Variants in ERC2 observed in about 807,000 individuals in gnomAD.
ERC2 encodes ELKS/RAB6-interacting/CAST family member 2.
A neutral mutation model predicts 114.8 loss-of-function variants in ERC2; 42 were observed. That is an observed-to-expected ratio of 0.37 (90% CI 0.29 to 0.47). The LOEUF (loss-of-function observed/expected upper bound fraction) is 0.47, where lower values mean the gene tolerates loss of function less well. Ranked by LOEUF, ERC2 falls within the 20% of genes least tolerant of loss-of-function variation. The pLI is 0.99. For missense variants in ERC2, 939 were observed against 1,150.7 expected (o/e 0.82, Z 2.66); for synonymous variants, 454 against 425.5 (o/e 1.07, Z -0.82).
intron 2 of ERC2, among the ~76,000 whole-genome samples, chr3:56,424,664 A>G (rs2061501068): frequency 6.6e-6 from 1 of 152,244 alleles, no homozygotes. Context: ...AAAGGCATTT[A>G]AAATTGTAGT....
intron 4 of ERC2, among the ~76,000 whole-genome samples, chr3:56,169,312 A>C (rs540820594): frequency 6.6e-6 from 1 of 152,324 alleles, no homozygotes; most frequent in African/African-American, 2.4e-5. Context: ...GTTTTTCCCA[A>C]AGAATATCAT....
rs78644829 is a variant in ERC2, at chr3:56,294,877, T to C, written c.1074+1142A>G. Among the ~76,000 whole-genome samples the C allele has an allele frequency of 2.6e-5, 4 of 152,324 alleles. No homozygotes were observed. In the East Asian group the frequency reaches 5.8e-4, roughly 22 times the overall value. On this transcript the variant is annotated intron_variant, in intron 3 of 17. Transcript: ENST00000288221. ...CTTTTCAATATGAAACCAAGCCATGTGGTTTCCCAAGCATGTTGGTAAAGT... is the reference window on the plus strand; with the variant it reads ...CTTTTCAATATGAAACCAAGCCATGCGGTTTCCCAAGCATGTTGGTAAAGT...
intron 13 of ERC2, among the ~76,000 whole-genome samples, chr3:55,904,327 T>C (rs188892034): frequency 6.6e-6 from 1 of 152,326 alleles, no homozygotes; most frequent in Admixed American, 6.5e-5. Flanking sequence ...CTATGGCTTT[T>C]CTGATTGCTG....
In ERC2 at chr3:56,010,674, T is replaced by C. The variant is rs1435298231; in HGVS notation, c.1780-85A>G. The C allele has an allele frequency of 2.1e-6, 3 of 1,425,620 alleles. No individual in the cohort carries two copies. In the African/African-American group the frequency reaches 4.3e-5, roughly 20 times the overall value. The allele number at this position is 1,425,620 out of a possible 1,614,324, so 88.3% of individuals were successfully genotyped here. On this transcript the variant is annotated intron_variant, in intron 8 of 17. Transcript: ENST00000288221. Reference sequence around the variant, plus strand: ...TACTGTAAAAGAAAATAAGAGGCAGTACATCTAAGAAATGCTGTACAGGAA... The same window carrying C: ...TACTGTAAAAGAAAATAAGAGGCAGCACATCTAAGAAATGCTGTACAGGAA...
intron 17 of ERC2, among the ~76,000 whole-genome samples, chr3:55,570,782 T>C (rs2056660678): frequency 2.0e-5 from 3 of 152,186 alleles, no homozygotes; most frequent in African/African-American, 7.2e-5. Flanking sequence ...TTCCTTGCTT[T>C]TGACAGGCTC....
chr3:56,196,990 C>T (rs1042538432), intron 3 of ERC2, among the ~76,000 whole-genome samples: 2 of 151,912 alleles, frequency 1.3e-5, no homozygotes, highest in Admixed American at 6.6e-5. Flanking sequence ...CTGCAGAGTC[C>T]GTGTTTATAA....
chr3:55,677,442 T>C (rs1456571313), intron 17 of ERC2, among the ~76,000 whole-genome samples: 1 of 152,136 alleles, frequency 6.6e-6, no homozygotes, highest in Non-Finnish European at 1.5e-5. Context: ...TCAACCACTT[T>C]CCTCTGTTTA....
At chr3:55,558,970 T>C (rs2055817237) in intron 17 of ERC2, among the ~76,000 whole-genome samples, 1 of 152,226 alleles carries the variant, frequency 6.6e-6, no homozygotes, top group African/African-American at 2.4e-5. Flanking sequence ...TTGCAAAACA[T>C]GTTAGTCCCA....
chr3:56,326,152 T>C (rs1370601691), intron 2 of ERC2, among the ~76,000 whole-genome samples: 3 of 152,220 alleles, frequency 2.0e-5, no homozygotes, highest in Non-Finnish European at 2.9e-5. Flanking sequence ...ACTGAGAGGC[T>C]GAGCCAGGCA....
intron 1 of ERC2, among the ~76,000 whole-genome samples, chr3:56,438,087 T>C (rs921124348): frequency 3.3e-5 from 5 of 152,246 alleles, no homozygotes; most frequent in African/African-American, 9.6e-5. Context: ...CTGATGTCAG[T>C]GGTTTCTTTG....
chr3:56,073,421 T>C (rs949854639), intron 7 of ERC2, among the ~76,000 whole-genome samples: 2 of 152,144 alleles, frequency 1.3e-5, no homozygotes, highest in African/African-American at 2.4e-5. Flanking sequence ...CTCCCAGCTA[T>C]AGCAACCAAA....
intron 14 of ERC2, among the ~76,000 whole-genome samples, chr3:55,833,091 A>G (rs1407469734): frequency 6.7e-6 from 1 of 149,638 alleles, no homozygotes; most frequent in African/African-American, 2.5e-5. Context: ...CAAAGCCTCC[A>G]AGAAATATGG....
rs75452042 is a variant in ERC2 at position 55,793,014 on chromosome 3, T to C, written c.2565-58096A>G. Among the ~76,000 whole-genome samples the C allele has an allele frequency of 3.4e-4, 52 of 152,316 alleles. No individual in the cohort carries two copies. The East Asian group carries it at 8.7e-3, about 25-fold the overall frequency. On this transcript the variant is annotated intron_variant, in intron 14 of 17. Coordinates refer to ENST00000288221, the MANE Select transcript of ERC2 (RefSeq NM_015576.3). ...GAGCCCTGGGGAGTATATAGATTGG[T>C]CCAAATAGCAATATTTGTGCTAAGA...
chr3:55,728,373 T>G (rs1023102906), intron 15 of ERC2, among the ~76,000 whole-genome samples: 2 of 152,212 alleles, frequency 1.3e-5, no homozygotes, highest in Non-Finnish European at 1.5e-5. Flanking sequence ...AATGTCAGCT[T>G]GGCAGATTTG....
At chr3:56,042,987 A>C (rs2075274803) in intron 7 of ERC2, among the ~76,000 whole-genome samples, 1 of 152,180 alleles carries the variant, frequency 6.6e-6, no homozygotes, top group African/African-American at 2.4e-5. Context: ...TTCTAGAAAT[A>C]TTTTATGATT....
chr3:56,427,545 G>A (rs571143737), intron 2 of ERC2, among the ~76,000 whole-genome samples: 2 of 152,312 alleles, frequency 1.3e-5, no homozygotes, highest in African/African-American at 4.8e-5. Context: ...ACCTCAGAAT[G>A]TAACCTTCTC....
chr3:55,896,780 T>C (rs2063860361), intron 13 of ERC2, among the ~76,000 whole-genome samples: 1 of 152,216 alleles, frequency 6.6e-6, no homozygotes, highest in Non-Finnish European at 1.5e-5. Context: ...ATCTAGAACA[T>C]AATAATTAAA....
At chr3:56,033,018 AG>A (rs2074541928) in intron 7 of ERC2, among the ~76,000 whole-genome samples, 2 of 124,690 alleles carry the variant, frequency 1.6e-5, no homozygotes, top group South Asian at 2.7e-4. Context: ...AAAGAAAGAA[AG>A]AAAAAAGAAA....
chr3:55,757,848 C>T (rs1346227840), intron 14 of ERC2, among the ~76,000 whole-genome samples: 2 of 152,024 alleles, frequency 1.3e-5, no homozygotes, highest in Non-Finnish European at 2.9e-5. Context: ...ACTGTTTTCA[C>T]TCTTAGATCA....
Sources: allele counts gnomAD v4.1 joint callset (sites outside exome capture counted in the v4.1 genomes callset), GRCh38; gene constraint gnomAD v4.1.1; transcripts MANE v1.5; gene names NCBI Gene and HGNC (gene_info 2026-07-23, HGNC 2026-07-21).